Variants in COL21A1 observed in about 807,000 individuals in gnomAD.
COL21A1 encodes collagen alpha-1(XXI) chain.
Under a neutral mutation model 137.9 loss-of-function variants are expected in COL21A1, and 149 were observed. The ratio of observed to expected loss-of-function variants is 1.08; its 90% CI spans 0.95 to 1.24. The LOEUF is 1.24. Ranked by LOEUF, COL21A1 falls within the 50% of genes most tolerant of loss-of-function variation. The pLI is 0.00. For synonymous variants in COL21A1, 456 were observed against 391.5 expected, an observed-to-expected ratio of 1.16 and a Z score of -1.95; for missense variants, 1,167 against 1,158.4, an observed-to-expected ratio of 1.01 and a Z score of -0.11.
intron 1 of COL21A1, among the ~76,000 whole-genome samples, chr6:56,326,323 A>G (rs933106894): frequency 4.6e-5 from 7 of 151,780 alleles, no homozygotes; most frequent in African/African-American, 1.4e-4. Context: ...AAAATTTACT[A>G]TATTAAAAAT....
chr6:56,275,001 G>A (rs1296760434), intron 1 of COL21A1, among the ~76,000 whole-genome samples: 1 of 152,038 alleles, frequency 6.6e-6, no homozygotes, highest in African/African-American at 2.4e-5. Flanking sequence ...GTATGGTACT[G>A]GCACAAAAAC....
chr6:56,151,683 A>G (rs1212544237), intron 10 of COL21A1, among the ~76,000 whole-genome samples: 1 of 152,180 alleles, frequency 6.6e-6, no homozygotes, highest in Non-Finnish European at 1.5e-5. Context: ...TAGCTTATTG[A>G]GGGGGGTTGC....
At chr6:56,099,997 T>C (rs1770307652) in intron 17 of COL21A1, among the ~76,000 whole-genome samples, 2 of 152,206 alleles carry the variant, frequency 1.3e-5, no homozygotes, top group African/African-American at 4.8e-5. Flanking sequence ...CTTTTTACTA[T>C]GTTCTCTTTT....
intron 1 of COL21A1, among the ~76,000 whole-genome samples, chr6:56,311,231 T>G (rs1009439232): frequency 2.0e-5 from 3 of 152,206 alleles, no homozygotes; most frequent in African/African-American, 7.2e-5. Flanking sequence ...ATTACAATTC[T>G]TGGATTAGTG....
chr6:56,258,645 C>A (rs74741462), intron 1 of COL21A1, among the ~76,000 whole-genome samples: 3,528 of 152,298 alleles, frequency 0.023, 138 homozygotes, highest in African/African-American at 0.08. Context: ...TGTTTTGGCT[C>A]ACAGGTAACA....
rs746971849 is a variant in COL21A1 at position 56,125,636 on chromosome 6, T to G, written c.1597-16A>C. Reference sequence around the variant, plus strand: ...CCATTTCACCCTAAAAGACAAAATATAAATAGTGAATATTTAAGAAATATG... The same window carrying G: ...CCATTTCACCCTAAAAGACAAAATAGAAATAGTGAATATTTAAGAAATATG... On this transcript the variant is annotated splice_polypyrimidine_tract_variant and intron_variant, in intron 13 of 29. Transcript: ENST00000244728. 2.1e-5 allele frequency: 31 copies of G among 1,490,320 alleles called. No individual in the cohort carries two copies. Among genetic ancestry groups the G allele is most frequent in the Non-Finnish European group, 2.8e-5 (31 of 1,098,032 alleles). The allele number at this position is 1,490,320 out of a possible 1,614,324, so 92.3% of individuals were successfully genotyped here. A position where few individuals can be genotyped will look rare whatever the true frequency, so the allele number is the denominator to read the frequency against.
At chr6:56,090,941 C>G (rs1255090351) in intron 17 of COL21A1, among the ~76,000 whole-genome samples, 1 of 152,050 alleles carries the variant, frequency 6.6e-6, no homozygotes, top group African/African-American at 2.4e-5. Flanking sequence ...AAAAGTATTA[C>G]AAATCTGTAC....
At chr6:56,389,533 A>G (rs780603399) in intron 1 of COL21A1, among the ~76,000 whole-genome samples, 14 of 152,168 alleles carry the variant, frequency 9.2e-5, no homozygotes, top group Admixed American at 6.5e-4. Context: ...AAAAGTAACA[A>G]CACATAACCC....
chr6:56,122,125 A>T (rs571855651), intron 16 of COL21A1, among the ~76,000 whole-genome samples: 4 of 152,338 alleles, frequency 2.6e-5, no homozygotes, highest in Admixed American at 2.6e-4. Context: ...ACCCACAAAA[A>T]TGTCATGGTA....
intron 17 of COL21A1, among the ~76,000 whole-genome samples, chr6:56,099,134 C>T (rs1268764941): frequency 6.6e-6 from 1 of 151,436 alleles, no homozygotes; most frequent in Non-Finnish European, 1.5e-5. Flanking sequence ...GCCGGTCAGT[C>T]TGCCCTTTCT....
chr6:56,166,781 A>T, intron 7 of COL21A1, 125 bp downstream of exon 7: 1 of 786,474 alleles, frequency 1.3e-6, no homozygotes, highest in Non-Finnish European at 2.2e-6. Flanking sequence ...CTTCACTTCC[A>T]CTAACATTAA....
intron 1 of COL21A1, among the ~76,000 whole-genome samples, chr6:56,378,000 G>A (rs1421897446): frequency 6.6e-6 from 1 of 152,068 alleles, no homozygotes. Context: ...TAAAGGGAAG[G>A]ACCCAGTCCT....
chr6:56,101,362 G>T, intron 17 of COL21A1, 110 bp downstream of exon 17: 1 of 780,748 alleles, frequency 1.3e-6, no homozygotes, highest in Non-Finnish European at 2.2e-6. Flanking sequence ...AAATCTGGAA[G>T]TCACTGAACA....
intron 9 of COL21A1, among the ~76,000 whole-genome samples, chr6:56,159,634 CTTTT>C (rs11449474): frequency 8.1e-6 from 1 of 123,578 alleles, no homozygotes; most frequent in Non-Finnish European, 1.7e-5. Context: ...CCTGGCCTTA[CTTTT>C]TTTTTTTTTT....
chr6:56,151,833 C>A (rs1052737817), intron 10 of COL21A1, among the ~76,000 whole-genome samples: 1 of 152,200 alleles, frequency 6.6e-6, no homozygotes, highest in Non-Finnish European at 1.5e-5. Context: ...TGAACACATA[C>A]TAATGACCCT....
At chr6:56,133,824 C>T (rs1367537392) in intron 12 of COL21A1, among the ~76,000 whole-genome samples, 1 of 152,242 alleles carries the variant, frequency 6.6e-6, no homozygotes, top group Non-Finnish European at 1.5e-5. Flanking sequence ...GCCTTGGCAG[C>T]TTCCATGTGG....
chr6:56,380,446 A>G (rs1337244641), intron 1 of COL21A1, among the ~76,000 whole-genome samples: 1 of 152,064 alleles, frequency 6.6e-6, no homozygotes. Context: ...CTTTTTGTAA[A>G]CCCTTTAAAT....
At chr6:56,365,870 T>G (rs966343195) in intron 1 of COL21A1, among the ~76,000 whole-genome samples, 8 of 152,160 alleles carry the variant, frequency 5.3e-5, no homozygotes, top group Non-Finnish European at 8.8e-5. Flanking sequence ...TAGCCCCTTA[T>G]AGATTAAGAT....
chr6:56,224,290 T>C (rs1024908029), intron 1 of COL21A1, among the ~76,000 whole-genome samples: 8 of 152,096 alleles, frequency 5.3e-5, no homozygotes, highest in Admixed American at 2.6e-4. Flanking sequence ...ACCAGACTAG[T>C]TAGCTTGCAA....
Sources: allele counts gnomAD v4.1 joint callset (sites outside exome capture counted in the v4.1 genomes callset), GRCh38; gene constraint gnomAD v4.1.1; transcripts MANE v1.5; gene names NCBI Gene and HGNC (gene_info 2026-07-23, HGNC 2026-07-21).